Variants in EPHA3 observed in about 807,000 individuals in gnomAD.
The protein encoded by EPHA3 is ephrin type-A receptor 3.
A neutral mutation model predicts 107.1 loss-of-function variants in EPHA3; 42 were observed. The ratio of observed to expected loss-of-function variants is 0.39; its 90% CI spans 0.31 to 0.51. The LOEUF is 0.51. Among genes scored for constraint, EPHA3 ranks in the 20% least tolerant of loss-of-function variants. EPHA3 has a pLI of 0.78. For missense variants in EPHA3, 1,183 were observed against 1,211.2 expected (o/e 0.98, Z 0.35); for synonymous variants, 461 against 424.8 (o/e 1.09, Z -1.05).
chr3:89,344,860 G>A (rs1707606934), intron 5 of EPHA3, among the ~76,000 whole-genome samples: 1 of 152,076 alleles, frequency 6.6e-6, no homozygotes, highest in Admixed American at 6.6e-5. Context: ...AGATTATGTT[G>A]TAAATTCGGA....
chr3:89,210,322 G>C lies in EPHA3; in HGVS notation c.616G>C (p.Val206Leu), dbSNP rs1276350997. ...ATACTTCAAAAAGTGCCCATTTACA[G>C]TGAAGAATCTGGCTATGTTTCCAGA... ...RVYFKKCPFT[V>L]KNLAMFPDTV... The change falls in exon 3 of 17, where the codon GTG becomes CTG. Residue 206 changes from valine (V) to leucine (L), a missense_variant. Coordinates refer to ENST00000336596, the MANE Select transcript of EPHA3 (RefSeq NM_005233.6). The C allele has an allele frequency of 3.1e-6, 5 of 1,613,714 alleles. No homozygotes were observed. The highest frequency in any genetic ancestry group is 1.7e-4 in the Middle Eastern group (1 of 6,052).
chr3:89,248,631 T>C (rs1705093376), intron 3 of EPHA3, among the ~76,000 whole-genome samples: 1 of 152,204 alleles, frequency 6.6e-6, no homozygotes, highest in Non-Finnish European at 1.5e-5. Context: ...GTCCAAATGA[T>C]AGAAGTGTTT....
At chr3:89,282,225 A>T (rs1705963460) in intron 3 of EPHA3, among the ~76,000 whole-genome samples, 1 of 152,136 alleles carries the variant, frequency 6.6e-6, no homozygotes. Flanking sequence ...ATTTATTCAG[A>T]GTTATGATGA....
chr3:89,437,405 A>C (rs1286678482), intron 13 of EPHA3, among the ~76,000 whole-genome samples: 1 of 152,084 alleles, frequency 6.6e-6, no homozygotes, highest in Non-Finnish European at 1.5e-5. Flanking sequence ...AATTTAAATC[A>C]TCAAAGAAGT....
At chr3:89,235,244 T>C (rs1178640466) in intron 3 of EPHA3, among the ~76,000 whole-genome samples, 1 of 151,968 alleles carries the variant, frequency 6.6e-6, no homozygotes, top group Non-Finnish European at 1.5e-5. Flanking sequence ...ACAATAAATG[T>C]AATCCTGACA....
rs530356740 is a variant in EPHA3, at chr3:89,108,608, G to A, written c.88+772G>A. Among the ~76,000 whole-genome samples the A allele has an allele frequency of 1.7e-4, 26 of 152,236 alleles. No individual in the cohort carries two copies. In the South Asian group the frequency reaches 3.5e-3, roughly 21 times the overall value. On this transcript the variant is annotated intron_variant, in intron 1 of 16. Coordinates refer to ENST00000336596, the MANE Select transcript of EPHA3 (RefSeq NM_005233.6). ...AGAGAATGTTCATATGCAGCAAATG[G>A]CATTTCCTTGATGTTGTGTTATTTA...
intron 1 of EPHA3, among the ~76,000 whole-genome samples, chr3:89,123,076 C>T (rs1707424960): frequency 6.6e-6 from 1 of 152,110 alleles, no homozygotes; most frequent in Admixed American, 6.6e-5. Flanking sequence ...AGGTTTCCTC[C>T]TTTCCATAAG....
chr3:89,438,644 A>G (rs1380551533), intron 13 of EPHA3, among the ~76,000 whole-genome samples: 2 of 152,202 alleles, frequency 1.3e-5, no homozygotes, highest in African/African-American at 4.8e-5. Flanking sequence ...GTCGCATGTC[A>G]TTTATACCTA....
chr3:89,384,515 T>C (rs1708576060), intron 5 of EPHA3, among the ~76,000 whole-genome samples: 1 of 152,242 alleles, frequency 6.6e-6, no homozygotes, highest in South Asian at 2.1e-4. Flanking sequence ...AAATGTATTT[T>C]TCTAAAACGT....
intron 3 of EPHA3, among the ~76,000 whole-genome samples, chr3:89,242,880 A>G (rs1335259518): frequency 6.7e-6 from 1 of 149,244 alleles, no homozygotes; most frequent in East Asian, 2.0e-4. Flanking sequence ...CGTTTGGTAT[A>G]TCTCCTATTG....
At chr3:89,413,035 CT>C in intron 9 of EPHA3, 105 bp from the exon 10 acceptor site, 1 of 1,475,256 alleles carries the variant, frequency 6.8e-7, no homozygotes, top group Non-Finnish European at 9.2e-7. Flanking sequence ...GGTTGTGCAC[CT>C]TATGGGGTAG....
At chr3:89,201,212 T>C (rs1182445407) in intron 2 of EPHA3, among the ~76,000 whole-genome samples, 1 of 151,818 alleles carries the variant, frequency 6.6e-6, no homozygotes, top group East Asian at 1.9e-4. Flanking sequence ...TTTGCACACT[T>C]TCAAACAAGC....
Position 89,366,829 on chromosome 3 carries a change from T to C in EPHA3, c.1306+24739T>C, listed in dbSNP as rs555494316. 1.7e-3 allele frequency among the ~76,000 whole-genome samples: 257 copies of C among 150,908 alleles called. 5 individuals carry two copies. The highest frequency in any genetic ancestry group is 5.6e-3 in the African/African-American group (230 of 41,432). On this transcript the variant is annotated intron_variant, in intron 5 of 16. Transcript: ENST00000336596. ...TTGTTGTTCACTTTGTTCATTAGTATGTATTTTGTTCATTTTGTTCATTAG... is the reference window on the plus strand; with the variant it reads ...TTGTTGTTCACTTTGTTCATTAGTACGTATTTTGTTCATTTTGTTCATTAG...
intron 2 of EPHA3, among the ~76,000 whole-genome samples, chr3:89,137,670 T>A (rs1389639565): frequency 6.6e-6 from 1 of 152,004 alleles, no homozygotes; most frequent in Non-Finnish European, 1.5e-5. Context: ...TGAATAAAAA[T>A]ATTACCAAAG....
chr3:89,192,488 T>G (rs1176105181), intron 2 of EPHA3, among the ~76,000 whole-genome samples: 1 of 151,986 alleles, frequency 6.6e-6, no homozygotes, highest in Non-Finnish European at 1.5e-5. Flanking sequence ...AAATATTTTA[T>G]GTACCAAAAT....
At chr3:89,360,188 ATAATGTGCTT>A (rs1708061942) in intron 5 of EPHA3, among the ~76,000 whole-genome samples, 5 of 150,936 alleles carry the variant, frequency 3.3e-5, no homozygotes, top group Middle Eastern at 3.4e-3. Flanking sequence ...CTCCTACAAC[ATAATGTGCTT>A]AAATCAAGCC....
At chr3:89,415,359 A>C (rs1490499435) in intron 10 of EPHA3, among the ~76,000 whole-genome samples, 3 of 149,918 alleles carry the variant, frequency 2.0e-5, no homozygotes, top group African/African-American at 7.3e-5. Flanking sequence ...GTTATTTATA[A>C]AAATTTAATA....
At chr3:89,472,322 C>G in intron 15 of EPHA3, 142 bp from the exon 16 acceptor site, 2 of 896,098 alleles carry the variant, frequency 2.2e-6, no homozygotes. Flanking sequence ...ACAGATGAAG[C>G]TTTCATGGCA....
intron 3 of EPHA3, among the ~76,000 whole-genome samples, chr3:89,212,218 G>A (rs1704118684): frequency 6.6e-6 from 1 of 151,876 alleles, no homozygotes; most frequent in Non-Finnish European, 1.5e-5. Flanking sequence ...TGATGAAAGA[G>A]AAGGATACTG....
Sources: gnomAD v4.1 joint callset for allele counts (sites outside exome capture counted in the v4.1 genomes callset) on GRCh38, gnomAD v4.1.1 for gene constraint, MANE v1.5 for transcripts, NCBI Gene and HGNC (gene_info 2026-07-23, HGNC 2026-07-21) for gene names.